ZFP91: variants seen among roughly 807,000 people sequenced by gnomAD.
ZFP91 encodes ZFP91 zinc finger protein, atypical E3 ubiquitin ligase, also known as E3 ubiquitin-protein ligase ZFP91.
In ZFP91, 7 loss-of-function variants were observed where a neutral mutation model predicts 63.5. The observed-to-expected ratio is 0.11, with a 90% CI of 0.06 to 0.21. The LOEUF (loss-of-function observed/expected upper bound fraction) is 0.21. Ranked by LOEUF, ZFP91 falls within the 10% of genes least tolerant of loss-of-function variation. The pLI is 1.00. For synonymous variants in ZFP91, 330 were observed against 272.1 expected, an observed-to-expected ratio of 1.21 and a Z score of -2.10; for missense variants, 628 against 736.6, an observed-to-expected ratio of 0.85 and a Z score of 1.71.
intron 4 of ZFP91, 72 bp downstream of exon 4, chr11:58,610,406 G>T: frequency 7.2e-7 from 1 of 1,391,456 alleles, no homozygotes; most frequent in Non-Finnish European, 9.6e-7. Flanking sequence ...TGATTCAGAA[G>T]TTGCTTCCAT....
At position 58,618,475 on chromosome 11, in the gene ZFP91, GATGAGAAAAGTC is replaced by G; in HGVS notation, c.*770_*781del. The G allele has an allele frequency of 2.7e-6, 1 of 365,590 alleles. No individual in the cohort carries two copies. The highest frequency in any genetic ancestry group is 2.1e-5 in the South Asian group (1 of 46,742). The allele number at this position is 365,590 out of a possible 1,614,324, so 22.6% of individuals were successfully genotyped here. A position where few individuals can be genotyped will look rare whatever the true frequency, so the allele number is the denominator to read the frequency against. ...AGACAGGGCTCTGTATCAGTGAGAC[GATGAGAAAAGTC>G]CCAGGCTAATGGCAGAAATTTGCAC... is the stretch of plus-strand genomic sequence containing the variant. On this transcript the variant is annotated 3_prime_UTR_variant, in exon 11 of 11. Transcript: ENST00000316059.
chr11:58,602,038 C>A (rs2134408883), intron 2 of ZFP91, among the ~76,000 whole-genome samples: 1 of 152,238 alleles, frequency 6.6e-6, no homozygotes, highest in South Asian at 2.1e-4. Context: ...TCTCCTGCCT[C>A]AGCGTCCTCG....
intron 2 of ZFP91, among the ~76,000 whole-genome samples, chr11:58,598,193 A>C (rs1277844960): frequency 6.6e-6 from 1 of 152,134 alleles, no homozygotes; most frequent in Non-Finnish European, 1.5e-5. Context: ...GGATGATACC[A>C]TATATAGTCT....
rs1855755475 is a variant in ZFP91, at chr11:58,616,792, T to A, written c.1179T>A (p.Ile393=). 6.2e-7 allele frequency: 1 copy of A among 1,613,732 alleles called. No individual in the cohort carries two copies. The highest frequency in any genetic ancestry group is 1.3e-5 in the African/African-American group (1 of 74,892). The change falls in exon 10 of 11, where the codon ATT becomes ATA. Residue 393 remains isoleucine (I), a synonymous_variant. Coordinates refer to ENST00000316059, the MANE Select transcript of ZFP91 (RefSeq NM_053023.5). ...SSHNLAVHRM[I]HTGEKPLQCE... is the part of the protein sequence containing the mutation. ...ACAATCTGGCAGTGCACCGGATGAT[T>A]CACACTGGCGAGAAGCCATTACAGT...
chr11:58,593,330 C>T (rs1345064358), intron 2 of ZFP91, among the ~76,000 whole-genome samples: 1 of 152,216 alleles, frequency 6.6e-6, no homozygotes, highest in Non-Finnish European at 1.5e-5. Flanking sequence ...CCCTTATCAA[C>T]ACTGTATACT....
At chr11:58,614,701 C>T (rs561613797) in intron 9 of ZFP91, among the ~76,000 whole-genome samples, 2 of 152,230 alleles carry the variant, frequency 1.3e-5, no homozygotes, top group South Asian at 4.1e-4. Flanking sequence ...AAACTAGAAG[C>T]TTGGCAGGAT....
intron 3 of ZFP91, 46 bp downstream of exon 3, chr11:58,610,085 AC>A (rs777453806): frequency 6.3e-7 from 1 of 1,594,796 alleles, no homozygotes; most frequent in Admixed American, 1.7e-5. Context: ...AGTTGCTGTT[AC>A]ATTTTAAATG....
chr11:58,612,197 G>T, intron 6 of ZFP91, 81 bp from the exon 7 acceptor site: 1 of 1,379,656 alleles, frequency 7.2e-7, no homozygotes, highest in Non-Finnish European at 1.0e-6. Context: ...GGCCGTGTGT[G>T]TGTGTGTGTG....
chr11:58,598,500 T>A (rs1226116392), intron 2 of ZFP91, among the ~76,000 whole-genome samples: 1 of 152,102 alleles, frequency 6.6e-6, no homozygotes, highest in African/African-American at 2.4e-5. Flanking sequence ...TGCATGTTGC[T>A]CATGCAGTGA....
chr11:58,580,798 A>G (rs1243688551), intron 1 of ZFP91, among the ~76,000 whole-genome samples: 1 of 152,244 alleles, frequency 6.6e-6, no homozygotes, highest in Admixed American at 6.5e-5. Flanking sequence ...CTAAGTTAAC[A>G]TAATTTAGAG....
chr11:58,595,701 C>T (rs73470732), intron 2 of ZFP91, among the ~76,000 whole-genome samples: 2,702 of 151,936 alleles, frequency 0.018, 88 homozygotes, highest in African/African-American at 0.061. Flanking sequence ...TCTTGACCTC[C>T]TGAGTAGCTG....
chr11:58,590,444 T>C (rs899499578), intron 2 of ZFP91, among the ~76,000 whole-genome samples: 4 of 152,218 alleles, frequency 2.6e-5, no homozygotes, highest in East Asian at 1.9e-4. Context: ...TTTTATATTA[T>C]GGTGGTTGTG....
Position 58,617,827 on chromosome 11 carries a change from A to G in ZFP91, c.*121A>G. On this transcript the variant is annotated 3_prime_UTR_variant, in exon 11 of 11. Transcript: ENST00000316059. The surrounding 1 kb of genome is among the most constrained non-coding windows in gnomAD (Gnocchi z 4.2). ...AATAACTGAAGGGCCTGCTCTTTCC[A>G]TTGTGGATCACAGCACACACATACA... 1 of 1,359,528 alleles carries G rather than the reference A, an allele frequency of 7.4e-7. No homozygotes were observed. The highest frequency in any genetic ancestry group is 9.6e-7 in the Non-Finnish European group (1 of 1,043,770). 84.2% of individuals were successfully genotyped at this position (1,359,528 alleles called of 1,614,324 possible).
chr11:58,588,299 A>G (rs1462446252), intron 2 of ZFP91, among the ~76,000 whole-genome samples: 1 of 152,218 alleles, frequency 6.6e-6, no homozygotes, highest in Non-Finnish European at 1.5e-5. Flanking sequence ...GTCATCAGAT[A>G]AATTCATAAC....
At chr11:58,587,046 G>A (rs750411463) in intron 2 of ZFP91, among the ~76,000 whole-genome samples, 79 of 151,980 alleles carry the variant, frequency 5.2e-4, no homozygotes, top group Non-Finnish European at 1.1e-3. Context: ...ACACAGAGTA[G>A]GCAACTTTCC....
At chr11:58,586,206 C>G (rs938348080) in intron 2 of ZFP91, among the ~76,000 whole-genome samples, 1 of 152,128 alleles carries the variant, frequency 6.6e-6, no homozygotes, top group African/African-American at 2.4e-5. Context: ...AAAAAGCAAC[C>G]TGCTTTTGTC....
At chr11:58,583,913 G>T (rs1428705688) in intron 1 of ZFP91, among the ~76,000 whole-genome samples, 1 of 151,782 alleles carries the variant, frequency 6.6e-6, no homozygotes, top group Non-Finnish European at 1.5e-5. Flanking sequence ...TTTACTTTTG[G>T]GAGGAGCAAC....
chr11:58,616,626 T>C, intron 9 of ZFP91, 90 bp from the exon 10 acceptor site: 8 of 978,668 alleles, frequency 8.2e-6, no homozygotes, highest in South Asian at 6.2e-5. Flanking sequence ...TTACTCTAAA[T>C]TGCCTGCCCC....
chr11:58,604,277 A>G (rs1855535894), intron 2 of ZFP91, among the ~76,000 whole-genome samples: 1 of 152,140 alleles, frequency 6.6e-6, no homozygotes, highest in Non-Finnish European at 1.5e-5. Context: ...CCTTATAAGA[A>G]TAAGGACATC....
Sources: gnomAD v4.1 joint callset for allele counts (sites outside exome capture counted in the v4.1 genomes callset) on GRCh38, gnomAD v4.1.1 for gene constraint, Gnocchi (gnomAD v3.1) non-coding constraint, MANE v1.5 for transcripts, NCBI Gene and HGNC (gene_info 2026-07-23, HGNC 2026-07-21) for gene names.